The following ATP8A2 variants were observed in gnomAD, a reference collection of about 807,000 sequenced individuals.
ATP8A2 encodes phospholipid-transporting ATPase IB.
Under a neutral mutation model 165.6 loss-of-function variants are expected in ATP8A2, and 100 were observed. The ratio of observed to expected loss-of-function variants is 0.60; its 90% CI spans 0.51 to 0.71. The LOEUF is 0.71. Among genes scored for constraint, ATP8A2 ranks in the 30% least tolerant of loss-of-function variants. The probability of loss-of-function intolerance (pLI) is 0.00; values close to 1 mark genes in which losing one functional copy is unlikely to be tolerated. For missense variants in ATP8A2, 1,227 were observed against 1,479.5 expected (o/e 0.83, Z 2.80); for synonymous variants, 543 against 548.8 (o/e 0.99, Z 0.15).
intron 25 of ATP8A2, among the ~76,000 whole-genome samples, chr13:25,739,739 C>T (rs933164011): frequency 3.3e-5 from 5 of 152,004 alleles, no homozygotes; most frequent in African/African-American, 1.2e-4. Context: ...GGCAGATGAT[C>T]CTGAATCAGG....
intron 36 of ATP8A2, among the ~76,000 whole-genome samples, chr13:26,019,244 A>T (rs932069013): frequency 5.9e-5 from 9 of 152,094 alleles, no homozygotes; most frequent in African/African-American, 2.2e-4. Context: ...AAATACAAAA[A>T]AAAATAGCTG....
intron 24 of ATP8A2, among the ~76,000 whole-genome samples, chr13:25,598,141 T>C (rs1413866059): frequency 3.3e-5 from 5 of 152,206 alleles, no homozygotes; most frequent in African/African-American, 4.8e-5. Context: ...TACTTCATCA[T>C]TGAAATACCT....
intron 24 of ATP8A2, among the ~76,000 whole-genome samples, chr13:25,673,599 C>T (rs772541341): frequency 7.9e-5 from 12 of 152,200 alleles, no homozygotes; most frequent in African/African-American, 2.2e-4. Flanking sequence ...TCCCTGTCTA[C>T]GCTGACTCGT....
chr13:25,773,139 C>T (rs1470750593), intron 26 of ATP8A2, among the ~76,000 whole-genome samples: 1 of 152,130 alleles, frequency 6.6e-6, no homozygotes, highest in Non-Finnish European at 1.5e-5. Flanking sequence ...ATGTCCTGGG[C>T]ATTCTCAATA....
intron 27 of ATP8A2, among the ~76,000 whole-genome samples, chr13:25,778,923 C>T (rs2044805417): frequency 6.6e-6 from 1 of 152,146 alleles, no homozygotes; most frequent in African/African-American, 2.4e-5. Flanking sequence ...TAGAAACACA[C>T]TGAGGATTTT....
chr13:25,752,410 A>G (rs2044171366), intron 25 of ATP8A2, among the ~76,000 whole-genome samples: 1 of 152,056 alleles, frequency 6.6e-6, no homozygotes, highest in Non-Finnish European at 1.5e-5. Context: ...GTGAGCCGAG[A>G]TCATACTCTT....
chr13:25,924,395 T>G (rs1407344447), intron 33 of ATP8A2, among the ~76,000 whole-genome samples: 1 of 152,194 alleles, frequency 6.6e-6, no homozygotes, highest in African/African-American at 2.4e-5. Context: ...TAACTTCTGT[T>G]TTTTTGGCAA....
intron 1 of ATP8A2, among the ~76,000 whole-genome samples, chr13:25,426,396 C>G (rs901698345): frequency 3.3e-5 from 5 of 152,126 alleles, no homozygotes; most frequent in African/African-American, 1.2e-4. Context: ...AGGGCAGCAC[C>G]AAGCTTTGAG....
At position 25,481,728 on chromosome 13, in the gene ATP8A2, C is replaced by G. The variant is rs147905054; in HGVS notation, c.221+12607C>G. On this transcript the variant is annotated intron_variant, in intron 2 of 36. Transcript: ENST00000381655. ...ATCAGGGTGCCAGCATGATCTGGTT[C>G]TGGTGCGGGCTCTCTCCTGGCTTGC... is the stretch of plus-strand genomic sequence containing the variant. Among the ~76,000 whole-genome samples, 8 of 152,306 alleles carry G rather than the reference C, an allele frequency of 5.3e-5. No homozygotes were observed. In the East Asian group the frequency reaches 1.5e-3, roughly 29 times the overall value.
At chr13:25,883,018 A>G (rs58322405) in intron 33 of ATP8A2, among the ~76,000 whole-genome samples, 2,427 of 152,158 alleles carry the variant, frequency 0.016, 64 homozygotes, top group African/African-American at 0.055. Flanking sequence ...AGCTATATAT[A>G]TTTAATTCAC....
chr13:25,770,691 G>T (rs1432738021), intron 26 of ATP8A2, among the ~76,000 whole-genome samples: 1 of 152,182 alleles, frequency 6.6e-6, no homozygotes, highest in Admixed American at 6.5e-5. Context: ...GATTTGGCCT[G>T]CTGGATCACC....
intron 25 of ATP8A2, among the ~76,000 whole-genome samples, chr13:25,763,559 C>A (rs1403893114): frequency 3.3e-5 from 5 of 152,146 alleles, no homozygotes; most frequent in African/African-American, 1.2e-4. Flanking sequence ...CCTGAATGCA[C>A]CCCCATTCCT....
intron 2 of ATP8A2, among the ~76,000 whole-genome samples, chr13:25,491,851 G>C (rs1010513634): frequency 1.3e-5 from 2 of 152,152 alleles, no homozygotes; most frequent in African/African-American, 4.8e-5. Context: ...TTATACCTTT[G>C]ATAGAGCATT....
intron 27 of ATP8A2, among the ~76,000 whole-genome samples, chr13:25,805,527 A>G (rs1338009053): frequency 6.6e-6 from 1 of 152,120 alleles, no homozygotes; most frequent in Non-Finnish European, 1.5e-5. Context: ...AAAAAAAAAG[A>G]AAAAGAGTAA....
At chr13:25,841,502 G>A (rs1392660735) in intron 30 of ATP8A2, among the ~76,000 whole-genome samples, 6 of 152,180 alleles carry the variant, frequency 3.9e-5, no homozygotes, top group Admixed American at 3.9e-4. Flanking sequence ...AAGTGTATCA[G>A]AACAACAGAG....
intron 2 of ATP8A2, among the ~76,000 whole-genome samples, chr13:25,506,392 G>C (rs1025877286): frequency 2.6e-5 from 4 of 152,156 alleles, no homozygotes; most frequent in Non-Finnish European, 5.9e-5. Context: ...CCCTTACAAA[G>C]GTGGATTGGG....
At chr13:25,664,050 A>C (rs1175338010) in intron 24 of ATP8A2, among the ~76,000 whole-genome samples, 1 of 151,952 alleles carries the variant, frequency 6.6e-6, no homozygotes, top group Non-Finnish European at 1.5e-5. Context: ...CTCTACAAAA[A>C]ATACAAAAAT....
intron 30 of ATP8A2, among the ~76,000 whole-genome samples, chr13:25,844,854 T>A (rs1951823051): frequency 6.6e-6 from 1 of 152,028 alleles, no homozygotes; most frequent in Admixed American, 6.6e-5. Context: ...GCCTCCACCA[T>A]CTATGGAGAG....
chr13:25,602,828 T>C (rs964929026), intron 24 of ATP8A2, among the ~76,000 whole-genome samples: 1 of 152,090 alleles, frequency 6.6e-6, no homozygotes, highest in Non-Finnish European at 1.5e-5. Context: ...TCCCAGCACT[T>C]TGGGAGGCAG....
Sources: gnomAD v4.1 joint callset for allele counts (sites outside exome capture counted in the v4.1 genomes callset) on GRCh38, gnomAD v4.1.1 for gene constraint, MANE v1.5 for transcripts, NCBI Gene and HGNC (gene_info 2026-07-23, HGNC 2026-07-21) for gene names.